The following EML5 variants were observed in gnomAD, a reference collection of about 807,000 sequenced individuals.
EML5 encodes echinoderm microtubule-associated protein-like 5.
EML5 carries 120 observed loss-of-function variants against 250.0 expected under a neutral mutation model. The observed-to-expected ratio is 0.48, with a 90% CI of 0.41 to 0.56. The LOEUF (loss-of-function observed/expected upper bound fraction) is 0.56, where lower values mean the gene tolerates loss of function less well. Among genes scored for constraint, EML5 ranks in the 20% least tolerant of loss-of-function variants. EML5 has a pLI of 0.00. For synonymous variants in EML5, 771 were observed against 806.5 expected, an observed-to-expected ratio of 0.96 and a Z score of 0.75; for missense variants, 2,006 against 2,437.6, an observed-to-expected ratio of 0.82 and a Z score of 3.73.
intron 7 of EML5, among the ~76,000 whole-genome samples, chr14:88,731,721 C>A (rs1196228024): frequency 6.6e-6 from 1 of 152,182 alleles, no homozygotes; most frequent in African/African-American, 2.4e-5. Flanking sequence ...CACATCCTCT[C>A]CAGCACCTGT....
At chr14:88,650,697 G>A (rs992487310) in intron 27 of EML5, among the ~76,000 whole-genome samples, 1 of 152,034 alleles carries the variant, frequency 6.6e-6, no homozygotes, top group Non-Finnish European at 1.5e-5. Flanking sequence ...GGAGTGCAAG[G>A]GTGCGATCAT....
chr14:88,641,008 A>G (rs1036685990), intron 31 of EML5, among the ~76,000 whole-genome samples: 1 of 151,994 alleles, frequency 6.6e-6, no homozygotes, highest in African/African-American at 2.4e-5. Flanking sequence ...AGAAGAAGAA[A>G]AATCTAGAGG....
intron 22 of EML5, among the ~76,000 whole-genome samples, chr14:88,665,032 T>C (rs556501748): frequency 2.6e-5 from 4 of 152,248 alleles, no homozygotes; most frequent in African/African-American, 9.6e-5. Context: ...ATGAGTGCAA[T>C]TTCAAAAGCA....
intron 29 of EML5, among the ~76,000 whole-genome samples, chr14:88,646,324 G>A (rs1227573142): frequency 6.6e-6 from 1 of 152,022 alleles, no homozygotes; most frequent in African/African-American, 2.4e-5. Context: ...AAGCATGACT[G>A]GTGTCATAAA....
intron 3 of EML5, 59 bp from the exon 4 acceptor site, chr14:88,744,150 T>C: frequency 2.3e-6 from 3 of 1,289,592 alleles, no homozygotes; most frequent in South Asian, 3.1e-5. Flanking sequence ...TTAAAAATCC[T>C]GTCCAAAAGA....
intron 18 of EML5, 99 bp from the exon 19 acceptor site, chr14:88,687,426 G>T: frequency 1.2e-6 from 1 of 809,772 alleles, no homozygotes; most frequent in Non-Finnish European, 1.9e-6. Flanking sequence ...AAAGAACATA[G>T]TCAAAAGTTA....
rs2093677852 is a variant in EML5, at chr14:88,727,100, A to G, written c.1050-422T>C. 2.0e-5 allele frequency among the ~76,000 whole-genome samples: 3 copies of G among 152,276 alleles called. No homozygotes were observed. The South Asian group carries it at 6.2e-4, about 32-fold the overall frequency. ...TTTAGCACAGTTATAGTGTCACTGC[A>G]TAATAAACACAATGTTTTGCCATCT... On this transcript the variant is annotated intron_variant, in intron 7 of 43. Transcript: ENST00000554922.
In EML5 at chr14:88,719,900, T is replaced by C. The variant is rs186959986; in HGVS notation, c.1188-4705A>G. Among the ~76,000 whole-genome samples, 6 of 151,946 alleles carry C rather than the reference T, an allele frequency of 3.9e-5. No homozygotes were observed. In the East Asian group the frequency reaches 9.7e-4, roughly 24 times the overall value. The stretch of plus-strand genomic sequence containing the variant: ...ATAAATAGACTGCTAGCTAGACTAA[T>C]GAAGGAGAAAAGAGGGAAGAATCAA... On this transcript the variant is annotated intron_variant, in intron 8 of 43. Transcript: ENST00000554922.
intron 21 of EML5, among the ~76,000 whole-genome samples, chr14:88,680,794 C>A (rs1362886045): frequency 1.3e-5 from 2 of 152,016 alleles, no homozygotes; most frequent in Admixed American, 6.6e-5. Context: ...GGGATTCCCA[C>A]ACCCTCAATC....
intron 21 of EML5, among the ~76,000 whole-genome samples, chr14:88,680,930 AAAAACAAG>A (rs2092702314): frequency 6.6e-6 from 1 of 152,172 alleles, no homozygotes; most frequent in Non-Finnish European, 1.5e-5. Flanking sequence ...ACCAAAACAA[AAAAACAAG>A]AAAACATCCA....
chr14:88,754,792 A>G, intron 1 of EML5, 121 bp from the exon 2 acceptor site: 1 of 901,682 alleles, frequency 1.1e-6, no homozygotes, highest in Non-Finnish European at 1.7e-6. Flanking sequence ...CACTTTAGAC[A>G]ATTTGGATTT....
intron 17 of EML5, among the ~76,000 whole-genome samples, chr14:88,691,311 A>G (rs1470299617): frequency 6.6e-6 from 1 of 152,210 alleles, no homozygotes; most frequent in Non-Finnish European, 1.5e-5. Flanking sequence ...CAAACAGGGT[A>G]AGCAGGGCAG....
At chr14:88,753,450 T>C (rs1201736342) in intron 2 of EML5, among the ~76,000 whole-genome samples, 2 of 152,158 alleles carry the variant, frequency 1.3e-5, no homozygotes, top group African/African-American at 4.8e-5. Flanking sequence ...TTCTGTAAAA[T>C]TGAGGTCTAT....
At position 88,632,775 on chromosome 14, in the gene EML5, G is replaced by A. The variant is rs115760374; in HGVS notation, c.4357+1694C>T. On this transcript the variant is annotated intron_variant, in intron 33 of 43. Transcript: ENST00000554922. Reference sequence around the variant, plus strand: ...AACACTTGCTTTCTTCAGGGCGTTTGGTATTTTGGTAGTTAAGGCTGGTCT... The same window carrying A: ...AACACTTGCTTTCTTCAGGGCGTTTAGTATTTTGGTAGTTAAGGCTGGTCT... Among the ~76,000 whole-genome samples, 1,296 of 152,252 alleles carry A rather than the reference G, an allele frequency of 8.5e-3. 25 individuals are homozygous for A. The highest frequency in any genetic ancestry group is 0.029 in the African/African-American group (1,216 of 41,532).
intron 1 of EML5, among the ~76,000 whole-genome samples, chr14:88,763,213 A>C (rs1057099365): frequency 1.3e-5 from 2 of 152,200 alleles, no homozygotes; most frequent in South Asian, 4.1e-4. Flanking sequence ...TCAATGAATC[A>C]GGACCTGTTT....
chr14:88,673,638 C>G (rs1193263430), intron 21 of EML5, among the ~76,000 whole-genome samples: 4 of 152,218 alleles, frequency 2.6e-5, no homozygotes, highest in African/African-American at 9.7e-5. Flanking sequence ...CCCATTATCT[C>G]AGCCCAAAAG....
intron 17 of EML5, 58 bp downstream of exon 17, chr14:88,694,245 ATTAC>A: frequency 8.2e-7 from 1 of 1,218,722 alleles, no homozygotes; most frequent in Admixed American, 2.1e-5. Flanking sequence ...ACTTAGCTAA[ATTAC>A]TTTCAAAAGC....
rs536843850 is a variant in EML5, at chr14:88,684,730, TAGA to T, written c.2982+282_2982+284del. Among the ~76,000 whole-genome samples, 197 of 152,182 alleles carry T rather than the reference TAGA, an allele frequency of 1.3e-3. 1 individual carries two copies. Among genetic ancestry groups the T allele is most frequent in the African/African-American group, 4.6e-3 (191 of 41,548 alleles). ...ACTCAAAATATTGGCAATTATTCCA[TAGA>T]AGAATATGTATATTTACTGACACCC... On this transcript the variant is annotated intron_variant, in intron 20 of 43. Transcript: ENST00000554922.
chr14:88,724,338 A>C (rs76170111), intron 8 of EML5, among the ~76,000 whole-genome samples: 2,262 of 151,726 alleles, frequency 0.015, 25 homozygotes, highest in East Asian at 0.037. Context: ...GGAGAATACA[A>C]AGCAAATCAA....
Sources: allele counts gnomAD v4.1 joint callset (sites outside exome capture counted in the v4.1 genomes callset), GRCh38; gene constraint gnomAD v4.1.1; transcripts MANE v1.5; gene names NCBI Gene and HGNC (gene_info 2026-07-23, HGNC 2026-07-21).